ATP2B1: variants seen among roughly 807,000 people sequenced by gnomAD.
The protein encoded by ATP2B1 is ATPase plasma membrane Ca2+ transporting 1, also known as plasma membrane calcium-transporting ATPase 1.
ATP2B1 carries 14 observed loss-of-function variants against 124.2 expected under a neutral mutation model. The ratio of observed to expected loss-of-function variants is 0.11; its 90% confidence interval spans 0.07 to 0.18. ATP2B1 has a LOEUF of 0.18. Among genes scored for constraint, ATP2B1 ranks in the 10% least tolerant of loss-of-function variants. The probability of loss-of-function intolerance (pLI) is 1.00; values close to 1 mark genes in which losing one functional copy is unlikely to be tolerated. For missense variants in ATP2B1, 763 were observed against 1,466.1 expected, an observed-to-expected ratio of 0.52 and a Z score of 7.83; for synonymous variants, 449 against 492.4, an observed-to-expected ratio of 0.91 and a Z score of 1.17.
chr12:89,664,880 G>A (rs1208480386), intron 1 of ATP2B1, among the ~76,000 whole-genome samples: 2 of 147,052 alleles, frequency 1.4e-5, no homozygotes, highest in Non-Finnish European at 3.0e-5. Context: ...ACAGTGTCTC[G>A]CTCTGTTGCC....
intron 2 of ATP2B1, among the ~76,000 whole-genome samples, chr12:89,648,505 A>C (rs867147064): frequency 5.3e-5 from 8 of 152,362 alleles, no homozygotes; most frequent in Middle Eastern, 3.4e-3. Context: ...AAGAACAGGC[A>C]TGGCTGATTC....
chr12:89,663,151 G>A (rs148844917), intron 1 of ATP2B1, among the ~76,000 whole-genome samples: 3 of 152,244 alleles, frequency 2.0e-5, no homozygotes, highest in African/African-American at 7.2e-5. Flanking sequence ...AAATAGCAGA[G>A]CTAAACAAAA....
At chr12:89,654,711 A>G (rs1036462531) in intron 2 of ATP2B1, among the ~76,000 whole-genome samples, 12 of 152,170 alleles carry the variant, frequency 7.9e-5, no homozygotes, top group African/African-American at 2.7e-4. Context: ...TTGCTATTAC[A>G]TTATATATTA....
rs1269287541 is a variant in ATP2B1, at chr12:89,622,799, CTAGA to C, written c.1345-1012_1345-1009del. ...AAAAGAACAGTAATTGGTAACAGAG[CTAGA>C]TAAACATCTAATAAAGGCTTAAAAA... On this transcript the variant is annotated intron_variant, in intron 9 of 20. Coordinates refer to ENST00000428670, the MANE Select transcript of ATP2B1 (RefSeq NM_001366521.1). 3.3e-5 allele frequency among the ~76,000 whole-genome samples: 5 copies of C among 152,166 alleles called. No homozygotes were observed. The South Asian group carries it at 6.2e-4, about 19-fold the overall frequency.
chr12:89,686,236 T>C (rs971343065), intron 1 of ATP2B1, among the ~76,000 whole-genome samples: 1 of 152,130 alleles, frequency 6.6e-6, no homozygotes, highest in Non-Finnish European at 1.5e-5. Flanking sequence ...CCCTAATCCC[T>C]TGAGAAGATA....
At chr12:89,631,950 A>C (rs1243283761) in intron 5 of ATP2B1, among the ~76,000 whole-genome samples, 1 of 152,046 alleles carries the variant, frequency 6.6e-6, no homozygotes, top group African/African-American at 2.4e-5. Context: ...TACAACTATT[A>C]AATGTCAAGG....
At chr12:89,653,522 C>A (rs1885558424) in intron 2 of ATP2B1, among the ~76,000 whole-genome samples, 1 of 151,754 alleles carries the variant, frequency 6.6e-6, no homozygotes, top group African/African-American at 2.4e-5. Flanking sequence ...TGGTCTCGAT[C>A]TCCTGACCTC....
At chr12:89,676,015 G>T (rs1365987991) in intron 1 of ATP2B1, among the ~76,000 whole-genome samples, 1 of 151,956 alleles carries the variant, frequency 6.6e-6, no homozygotes. Flanking sequence ...TTCCTCATTG[G>T]GGGAGGGGGT....
chr12:89,630,114 A>G (rs571315536), intron 6 of ATP2B1, among the ~76,000 whole-genome samples: 18 of 152,332 alleles, frequency 1.2e-4, no homozygotes, highest in African/African-American at 4.1e-4. Context: ...CATTAAGTAT[A>G]GTAGAATAGA....
At chr12:89,705,802 GA>G (rs1219882298) in intron 1 of ATP2B1, among the ~76,000 whole-genome samples, 1 of 152,138 alleles carries the variant, frequency 6.6e-6, no homozygotes, top group Non-Finnish European at 1.5e-5. Flanking sequence ...TTTCATCTCA[GA>G]GTTTTTGGCT....
In ATP2B1 at chr12:89,626,457, C is replaced by T. The variant is rs1880891830; in HGVS notation, c.1126G>A (p.Ala376Thr). The change falls in exon 8 of 21, where the codon GCA becomes ACA. Residue 376 changes from alanine to threonine, a missense_variant. By Grantham distance (58) the Ala-to-Thr change is moderately conservative (BLOSUM62 0). This residue lies in a region of ATP2B1 where 392 missense variants were observed against 776.6 expected (regional missense o/e 0.50). Coordinates refer to ENST00000428670, the MANE Select transcript of ATP2B1 (RefSeq NM_001366521.1). ...TATTTTCTTCTCTATATCATACCTG[C>T]TTTGCCAATCTGAACAGCCAGTTTT... ...LTKLAVQIGK[A>T]GLLMSAITVI... is the part of the protein sequence containing the mutation. 2 of 1,604,520 alleles carry T rather than the reference C, an allele frequency of 1.2e-6. No homozygotes were observed. Among genetic ancestry groups the T allele is most frequent in the Non-Finnish European group, 1.7e-6 (2 of 1,176,990 alleles).
At chr12:89,640,328 T>C (rs1883309649) in intron 3 of ATP2B1, among the ~76,000 whole-genome samples, 1 of 152,180 alleles carries the variant, frequency 6.6e-6, no homozygotes, top group African/African-American at 2.4e-5. Flanking sequence ...TCTAAGCCTC[T>C]CCTTATCTAT....
intron 1 of ATP2B1, among the ~76,000 whole-genome samples, chr12:89,701,890 C>T (rs1229049702): frequency 6.6e-6 from 1 of 152,118 alleles, no homozygotes. Context: ...CATACACATT[C>T]ACAACAAAAG....
chr12:89,664,702 T>C (rs1229604497), intron 1 of ATP2B1, among the ~76,000 whole-genome samples: 1 of 152,184 alleles, frequency 6.6e-6, no homozygotes, highest in African/African-American at 2.4e-5. Flanking sequence ...ATAACAGTGA[T>C]GCCAATGCTA....
intron 1 of ATP2B1, among the ~76,000 whole-genome samples, chr12:89,698,029 C>T (rs1891379454): frequency 6.6e-6 from 1 of 152,138 alleles, no homozygotes; most frequent in Non-Finnish European, 1.5e-5. Context: ...TGCCACTACG[C>T]CCGGCTAATT....
chr12:89,630,179 T>TA (rs1182189434), intron 6 of ATP2B1, among the ~76,000 whole-genome samples: 1 of 152,160 alleles, frequency 6.6e-6, no homozygotes, highest in Non-Finnish European at 1.5e-5. Flanking sequence ...ATATGGCTGA[T>TA]AAAGAAAGCC....
intron 18 of ATP2B1, among the ~76,000 whole-genome samples, chr12:89,601,762 C>T (rs74420090): frequency 1.7e-3 from 257 of 152,272 alleles, no homozygotes; most frequent in African/African-American, 6.1e-3. Flanking sequence ...TATACTGTTT[C>T]CAATATAACC....
intron 1 of ATP2B1, among the ~76,000 whole-genome samples, chr12:89,669,590 G>T (rs1887701545): frequency 6.6e-6 from 1 of 152,116 alleles, no homozygotes; most frequent in Admixed American, 6.5e-5. Flanking sequence ...TTTCTGAGCA[G>T]ATTAAATGAA....
At chr12:89,705,359 G>A (rs1324214007) in intron 1 of ATP2B1, among the ~76,000 whole-genome samples, 3 of 151,972 alleles carry the variant, frequency 2.0e-5, no homozygotes, top group African/African-American at 4.8e-5. Context: ...TGCCCGAGAT[G>A]CAAAAACCTA....
Sources: allele counts gnomAD v4.1 joint callset (sites outside exome capture counted in the v4.1 genomes callset), GRCh38; gene constraint gnomAD v4.1.1; regional missense constraint gnomAD v4.1.1; transcripts MANE v1.5; gene names NCBI Gene and HGNC (gene_info 2026-07-23, HGNC 2026-07-21).